Variants in STRIP1 observed in about 807,000 individuals in gnomAD.
STRIP1 encodes the protein striatin-interacting protein 1.
A neutral mutation model predicts 106.2 loss-of-function variants in STRIP1; 63 were observed. That is an observed-to-expected ratio of 0.59 (90% CI 0.48 to 0.73). STRIP1 has a LOEUF of 0.73. Among genes scored for constraint, STRIP1 ranks in the 30% least tolerant of loss-of-function variants. The probability of loss-of-function intolerance (pLI) is 0.00; values close to 1 mark genes in which losing one functional copy is unlikely to be tolerated. For synonymous variants in STRIP1, 390 were observed against 413.0 expected, an observed-to-expected ratio of 0.94 and a Z score of 0.67; for missense variants, 857 against 1,074.8, an observed-to-expected ratio of 0.80 and a Z score of 2.83.
chr1:110,049,436 T>TC (rs1653186053), intron 16 of STRIP1, 24 bp from the exon 17 acceptor site: 1 of 1,560,626 alleles, frequency 6.4e-7, no homozygotes, highest in Admixed American at 2.0e-5. Context: ...CTTTTTTTTT[T>TC]TTTTTTTTTC....
Position 110,046,752 on chromosome 1 carries a change from G to C in STRIP1, c.1488+1G>C. ...ATACCTCCGCTCCCCTCTCTCAGGG[G>C]TAAGTTGGAGGTCCTCAGTCCGGGC... On this transcript the variant is annotated splice_donor_variant, in intron 13 of 20. Coordinates refer to ENST00000369795, the MANE Select transcript of STRIP1 (RefSeq NM_033088.4). LOFTEE classifies it high-confidence loss of function. The C allele has an allele frequency of 6.2e-7, 1 of 1,611,122 alleles. No homozygotes were observed. Among genetic ancestry groups the C allele is most frequent in the Non-Finnish European group, 8.5e-7 (1 of 1,177,948 alleles).
chr1:110,047,307 C>T (rs1288696543), intron 13 of STRIP1, among the ~76,000 whole-genome samples: 1 of 152,134 alleles, frequency 6.6e-6, no homozygotes, highest in Non-Finnish European at 1.5e-5. Context: ...GCTTTATTTC[C>T]TTGTCTGTGA....
chr1:110,051,892 G>A lies in STRIP1; in HGVS notation c.2266+5G>A. 1 of 1,611,594 alleles carries A rather than the reference G, an allele frequency of 6.2e-7. No individual in the cohort carries two copies. On this transcript the variant is annotated splice_donor_5th_base_variant and intron_variant, in intron 20 of 20. Transcript: ENST00000369795. Reference sequence around the variant, plus strand: ...ACGACTGGGCATACGGCAATGGTGAGACTCTGCACTCAGCCAGATTTGGGT... The same window carrying A: ...ACGACTGGGCATACGGCAATGGTGAAACTCTGCACTCAGCCAGATTTGGGT...
chr1:110,040,082 T>C (rs905502093), intron 5 of STRIP1: 4 of 417,160 alleles, frequency 9.6e-6, no homozygotes, highest in African/African-American at 8.2e-5. Context: ...TCATCCCCAT[T>C]TTACAGATGA....
chr1:110,031,800 T>C (rs1230855907), upstream of STRIP1, among the ~76,000 whole-genome samples: 1 of 152,226 alleles, frequency 6.6e-6, no homozygotes, highest in Non-Finnish European at 1.5e-5. Context: ...CTCCTTCACA[T>C]TTGGGATTCT....
intron 8 of STRIP1, 79 bp from the exon 9 acceptor site, chr1:110,043,009 T>A: frequency 7.2e-7 from 1 of 1,393,994 alleles, no homozygotes; most frequent in Non-Finnish European, 9.7e-7. Flanking sequence ...GTCATGAATG[T>A]TTCTGAGCCT....
In STRIP1 at chr1:110,049,236, C is replaced by T. The variant is rs1380288098; in HGVS notation, c.1786C>T (p.Gln596Ter). ...GCACTTTAAGTTGAACCATGTCTAC[C>T]AGGTACCCACAGGGCTTTCCCTCCT... ...LKHFKLNHVY[Q>*]FEYMAQHLVF... Residue 596 changes from glutamine to a stop codon, truncating the protein, a stop_gained and splice_region_variant, in exon 16 of 21, where the codon CAG becomes TAG. Coordinates refer to ENST00000369795, the MANE Select transcript of STRIP1 (RefSeq NM_033088.4). LOFTEE classifies it high-confidence loss of function. 1 of 1,614,080 alleles carries T rather than the reference C, an allele frequency of 6.2e-7. No homozygotes were observed.
Position 110,044,857 on chromosome 1 carries a change from T to C in STRIP1, c.1304T>C (p.Met435Thr), listed in dbSNP as rs770579161. 6 of 1,614,124 alleles carry C rather than the reference T, an allele frequency of 3.7e-6. No individual in the cohort carries two copies. In the African/African-American group the frequency reaches 6.7e-5, roughly 18 times the overall value. ...TGTGGCAGAGAGAAAGACATTGAGA[T>C]GTTCCTTGAGTCCAGCCGCAGCAAA... ...APKVREKDIE[M>T]FLESSRSKFI... The change falls in exon 11 of 21, where the codon ATG becomes ACG. Residue 435 changes from methionine (M) to threonine (T), a missense_variant. Met to Thr is a moderately conservative substitution (Grantham distance 81, BLOSUM62 -1). Around this residue, in one of 2 missense-constraint regions of STRIP1, gnomAD observed 750 missense variants for 989.8 expected, o/e 0.76. Coordinates refer to ENST00000369795, the MANE Select transcript of STRIP1 (RefSeq NM_033088.4).
intron 17 of STRIP1, chr1:110,049,988 T>A: frequency 2.7e-6 from 1 of 364,776 alleles, no homozygotes; most frequent in South Asian, 2.9e-5. Context: ...CAGTGTGATA[T>A]ACCACAGGGC....
intron 17 of STRIP1, chr1:110,049,998 C>T (rs1057317063): frequency 1.2e-4 from 44 of 371,962 alleles, no homozygotes; most frequent in Non-Finnish European, 2.1e-4. Flanking sequence ...TACCACAGGG[C>T]GCCGGCCAGA....
chr1:110,035,646 T>C (rs1652417328), intron 1 of STRIP1, among the ~76,000 whole-genome samples: 1 of 152,102 alleles, frequency 6.6e-6, no homozygotes, highest in African/African-American at 2.4e-5. Flanking sequence ...TCGCGGAGTT[T>C]TAGGGCTTCT....
Position 110,043,705 on chromosome 1 carries a change from C to G in STRIP1, c.1135C>G (p.Arg379Gly), listed in dbSNP as rs1557791687. 2 of 1,614,074 alleles carry G rather than the reference C, an allele frequency of 1.2e-6. No individual in the cohort carries two copies. Among genetic ancestry groups the G allele is most frequent in the Non-Finnish European group, 1.7e-6 (2 of 1,179,998 alleles). Reference sequence around the variant, plus strand: ...GGATCCCTACAAGGCTGATGACTCTCGAGAAGAGGAAGAGGAGAATGATGA... The same window carrying G: ...GGATCCCTACAAGGCTGATGACTCTGGAGAAGAGGAAGAGGAGAATGATGA... ...ERDPYKADDSREEEEENDDDN... is the reference protein window; with the variant it reads ...ERDPYKADDSGEEEEENDDDN... Residue 379 changes from arginine to glycine, a missense_variant, in exon 10 of 21, where the codon CGA becomes GGA. This residue lies in a region of STRIP1 where 750 missense variants were observed against 989.8 expected (regional missense o/e 0.76). Coordinates refer to ENST00000369795, the MANE Select transcript of STRIP1 (RefSeq NM_033088.4).
intron 15 of STRIP1, among the ~76,000 whole-genome samples, chr1:110,048,519 A>AGGAGG (rs1653138459): frequency 6.6e-6 from 1 of 152,176 alleles, no homozygotes; most frequent in Admixed American, 6.5e-5. Flanking sequence ...CGGCTGAGGG[A>AGGAGG]GGAGGCAGGG....
chr1:110,034,852 T>C, intron 1 of STRIP1, 35 bp downstream of exon 1: 1 of 1,374,138 alleles, frequency 7.3e-7, no homozygotes. Flanking sequence ...TCGCACCGGG[T>C]CGGGCGGCGC....
At position 110,053,707 on chromosome 1, in the gene STRIP1, C is replaced by T. The variant is rs1265696420; in HGVS notation, c.2309C>T (p.Ala770Val). The T allele has an allele frequency of 1.9e-6, 3 of 1,614,114 alleles. No homozygotes were observed. The highest frequency in any genetic ancestry group is 1.3e-5 in the African/African-American group (1 of 75,028). ...RPWDFQAEEC[A>V]LRANIERFNA... ...TGGGACTTCCAGGCAGAGGAGTGTG[C>T]CCTTCGTGCCAACATTGAACGCTTC... Residue 770 changes from alanine to valine, a missense_variant, in exon 21 of 21, where the codon GCC (alanine) becomes GTC (valine). By Grantham distance (64) the Ala-to-Val change is moderately conservative. This residue lies in a region of STRIP1 where 750 missense variants were observed against 989.8 expected (regional missense o/e 0.76). Transcript: ENST00000369795.
intron 11 of STRIP1, 34 bp downstream of exon 11, chr1:110,044,939 TC>T: frequency 6.2e-7 from 1 of 1,613,832 alleles, no homozygotes; most frequent in Non-Finnish European, 8.5e-7. Flanking sequence ...TGCTGTTAGC[TC>T]TCCCGGCCTT....
intron 2 of STRIP1, among the ~76,000 whole-genome samples, chr1:110,038,413 C>A (rs1267245508): frequency 6.6e-6 from 1 of 152,138 alleles, no homozygotes; most frequent in Non-Finnish European, 1.5e-5. Flanking sequence ...GAGATGCATC[C>A]CAGGTGGCCG....
intron 10 of STRIP1, 43 bp from the exon 11 acceptor site, chr1:110,044,797 C>T: frequency 1.9e-6 from 3 of 1,602,180 alleles, no homozygotes; most frequent in Non-Finnish European, 2.6e-6. Context: ...ATAGCATTTG[C>T]TAAAAACCTT....
rs749414052 is a variant in STRIP1 at position 110,047,580 on chromosome 1, C to T, written c.1527C>T (p.Leu509=). Residue 509 remains leucine, a synonymous_variant, in exon 14 of 21, where the codon CTC becomes CTT. Transcript: ENST00000369795. The part of the protein sequence containing the change: ...EEVEQVPAET[L]YQGLLPSLPQ... Reference sequence around the variant, plus strand: ...TTGAGCAAGTCCCTGCAGAAACCCTCTACCAAGGCTTGCTCCCCAGCCTGC... The same window carrying T: ...TTGAGCAAGTCCCTGCAGAAACCCTTTACCAAGGCTTGCTCCCCAGCCTGC... 10 of 1,611,938 alleles carry T rather than the reference C, an allele frequency of 6.2e-6. No homozygotes were observed. The East Asian group carries it at 2.2e-4, about 36-fold the overall frequency.
Sources: allele counts gnomAD v4.1 joint callset (sites outside exome capture counted in the v4.1 genomes callset), GRCh38; gene constraint gnomAD v4.1.1; regional missense constraint gnomAD v4.1.1; transcripts MANE v1.5; gene names NCBI Gene and HGNC (gene_info 2026-07-23, HGNC 2026-07-21).